MEOX2: variants seen among roughly 807,000 people sequenced by gnomAD.
MEOX2 encodes the protein homeobox protein MOX-2.
MEOX2 carries 11 observed loss-of-function variants against 27.0 expected under a neutral mutation model. The ratio of observed to expected loss-of-function variants is 0.41; its 90% CI spans 0.26 to 0.68. MEOX2 has a LOEUF of 0.68. Among genes scored for constraint, MEOX2 ranks in the 30% least tolerant of loss-of-function variants. The pLI is 0.33. For synonymous variants in MEOX2, 189 were observed against 155.4 expected (o/e 1.22, Z -1.61); for missense variants, 436 against 385.4 (o/e 1.13, Z -1.10).
chr7:15,667,668 ATCATCCT>A (rs1389295049), intron 1 of MEOX2, among the ~76,000 whole-genome samples: 3 of 152,156 alleles, frequency 2.0e-5, no homozygotes, highest in Admixed American at 6.5e-5. Context: ...ATTTATGAAA[ATCATCCT>A]TTTCTGAGCT....
chr7:15,622,862 C>G (rs1312301449), intron 2 of MEOX2, among the ~76,000 whole-genome samples: 3 of 152,148 alleles, frequency 2.0e-5, no homozygotes, highest in South Asian at 2.1e-4. Flanking sequence ...ACAGATCTAG[C>G]ATTACTCAGA....
intron 2 of MEOX2, 93 bp from the exon 3 acceptor site, chr7:15,612,704 C>G: frequency 1.0e-6 from 1 of 997,942 alleles, no homozygotes; most frequent in Non-Finnish European, 1.5e-6. Context: ...AAAGAAGTTC[C>G]TCAAAGGCTT....
chr7:15,659,758 C>CA (rs58319551), intron 1 of MEOX2, among the ~76,000 whole-genome samples: 10,053 of 52,184 alleles, frequency 0.19, 997 homozygotes, highest in African/African-American at 0.23. Flanking sequence ...AGACTGCTCT[C>CA]AAAAAAAAAA....
chr7:15,646,437 C>G (rs1367198537), intron 1 of MEOX2, among the ~76,000 whole-genome samples: 1 of 152,052 alleles, frequency 6.6e-6, no homozygotes, highest in Non-Finnish European at 1.5e-5. Flanking sequence ...TATATGATTT[C>G]TCAACTGAGG....
chr7:15,678,553 A>T (rs1782240119), intron 1 of MEOX2, among the ~76,000 whole-genome samples: 1 of 152,192 alleles, frequency 6.6e-6, no homozygotes, highest in Non-Finnish European at 1.5e-5. Context: ...AACTAATAAG[A>T]ATACACCTCA....
rs17168954 is a variant in MEOX2, at chr7:15,652,259, C to G, written c.518-25341G>C. ...ATTTATAGGATATTTTGAGATGCCTCTTTAGAACCCTGTCATAAAGTAGAA... is the reference window on the plus strand; with the variant it reads ...ATTTATAGGATATTTTGAGATGCCTGTTTAGAACCCTGTCATAAAGTAGAA... On this transcript the variant is annotated intron_variant, in intron 1 of 2. Coordinates refer to ENST00000262041, the MANE Select transcript of MEOX2 (RefSeq NM_005924.5). Among the ~76,000 whole-genome samples, 140 of 152,180 alleles carry G rather than the reference C, an allele frequency of 9.2e-4. 2 individuals carry two copies. The East Asian group carries it at 0.026, about 29-fold the overall frequency.
intron 1 of MEOX2, among the ~76,000 whole-genome samples, chr7:15,635,654 T>C (rs974342903): frequency 9.2e-5 from 14 of 152,116 alleles, no homozygotes; most frequent in Middle Eastern, 3.4e-3. Flanking sequence ...TAAAATCATG[T>C]GTTATAATTA....
intron 1 of MEOX2, among the ~76,000 whole-genome samples, chr7:15,665,872 G>T (rs1430021282): frequency 2.0e-5 from 3 of 152,044 alleles, no homozygotes; most frequent in Non-Finnish European, 4.4e-5. Context: ...GAAATTAAAT[G>T]TTCAAACAGC....
chr7:15,677,825 A>G (rs1014145087), intron 1 of MEOX2, among the ~76,000 whole-genome samples: 4 of 152,198 alleles, frequency 2.6e-5, no homozygotes, highest in South Asian at 4.1e-4. Context: ...TTCCTTGTCT[A>G]ATATGATAAT....
chr7:15,624,205 C>T (rs1365550581), intron 2 of MEOX2, among the ~76,000 whole-genome samples: 3 of 152,128 alleles, frequency 2.0e-5, no homozygotes, highest in African/African-American at 7.2e-5. Context: ...GGGAGGCCCT[C>T]TAAAGCCTTA....
rs373584566 is a variant in MEOX2, at chr7:15,686,090, G to C, written c.313C>G (p.Arg105Gly). ...PQMSSPPSAA[R>G]HSLCLQPDSG... Reference sequence around the variant, plus strand: ...TCGGGCTGGAGGCAGAGGCTGTGCCGAGCCGCACTCGGTGGGGAAGACATC... The same window carrying C: ...TCGGGCTGGAGGCAGAGGCTGTGCCCAGCCGCACTCGGTGGGGAAGACATC... The change falls in exon 1 of 3, where the codon CGG becomes GGG. Residue 105 changes from arginine to glycine, a missense_variant. Transcript: ENST00000262041. 3 of 1,588,858 alleles carry C rather than the reference G, an allele frequency of 1.9e-6. No individual in the cohort carries two copies. Among genetic ancestry groups the C allele is most frequent in the Non-Finnish European group, 2.6e-6 (3 of 1,169,326 alleles).
chr7:15,684,663 T>C (rs986946387), intron 1 of MEOX2, among the ~76,000 whole-genome samples: 1 of 152,188 alleles, frequency 6.6e-6, no homozygotes, highest in Non-Finnish European at 1.5e-5. Context: ...ACGATCAACA[T>C]TTTTCCAATC....
chr7:15,685,676 T>G (rs1314442425), intron 1 of MEOX2, among the ~76,000 whole-genome samples: 1 of 152,216 alleles, frequency 6.6e-6, no homozygotes, highest in Non-Finnish European at 1.5e-5. Context: ...TTAGAGCTGC[T>G]GGCTGTATAC....
At chr7:15,616,074 T>C (rs899452226) in intron 2 of MEOX2, among the ~76,000 whole-genome samples, 3 of 151,784 alleles carry the variant, frequency 2.0e-5, no homozygotes, top group African/African-American at 7.2e-5. Context: ...TTAAAATAGA[T>C]TGAAAAAAGA....
At chr7:15,670,157 A>C (rs1782072292) in intron 1 of MEOX2, among the ~76,000 whole-genome samples, 1 of 152,026 alleles carries the variant, frequency 6.6e-6, no homozygotes, top group Non-Finnish European at 1.5e-5. Context: ...ATGATTTCAT[A>C]TTTCTGATTT....
intron 1 of MEOX2, among the ~76,000 whole-genome samples, chr7:15,645,861 T>C (rs1400740576): frequency 6.6e-6 from 1 of 152,176 alleles, no homozygotes; most frequent in African/African-American, 2.4e-5. Flanking sequence ...AATATTTTTG[T>C]GCCACAAGCA....
chr7:15,630,238 GGAA>G (rs1781381006), intron 1 of MEOX2, among the ~76,000 whole-genome samples: 1 of 152,078 alleles, frequency 6.6e-6, no homozygotes, highest in African/African-American at 2.4e-5. Flanking sequence ...CTACGCTAAT[GGAA>G]GAAGTCTGCA....
At chr7:15,637,706 T>C (rs1258293418) in intron 1 of MEOX2, among the ~76,000 whole-genome samples, 1 of 152,028 alleles carries the variant, frequency 6.6e-6, no homozygotes, top group Admixed American at 6.6e-5. Flanking sequence ...ACAACTCTAG[T>C]TATTTAGAAG....
chr7:15,685,853 G>A lies in MEOX2; in HGVS notation c.517+33C>T, dbSNP rs756848135. ...CTCTCCGCCCCTTTTCCAGCCCGGC[G>A]CGCACTCTCGAGGGTGCCTGGCGCG... On this transcript the variant is annotated intron_variant, in intron 1 of 2. Transcript: ENST00000262041. 7.1e-6 allele frequency: 11 copies of A among 1,547,544 alleles called. No individual in the cohort carries two copies. In the South Asian group the frequency reaches 1.2e-4, roughly 18 times the overall value.
Sources: allele counts gnomAD v4.1 joint callset (sites outside exome capture counted in the v4.1 genomes callset), GRCh38; gene constraint gnomAD v4.1.1; transcripts MANE v1.5; gene names NCBI Gene and HGNC (gene_info 2026-07-23, HGNC 2026-07-21).